The following TAF1C variants were observed in gnomAD, a reference collection of about 807,000 sequenced individuals.
TAF1C encodes the protein TATA-box binding protein associated factor, RNA polymerase I subunit C.
A neutral mutation model predicts 70.5 loss-of-function variants in TAF1C; 79 were observed. The observed-to-expected ratio is 1.12, with a 90% confidence interval of 0.93 to 1.35. The LOEUF is 1.35. TAF1C is among the 40% of genes most tolerant of loss of function. The pLI is 0.00. For synonymous variants in TAF1C, 614 were observed against 491.1 expected, an observed-to-expected ratio of 1.25 and a Z score of -3.31; for missense variants, 1,412 against 1,127.8, an observed-to-expected ratio of 1.25 and a Z score of -3.61.
chr16:84,180,381 T>A, intron 12 of TAF1C, 37 bp from the exon 13 acceptor site: 1 of 1,528,520 alleles, frequency 6.5e-7, no homozygotes, highest in Non-Finnish European at 8.7e-7. Context: ...TGGCCGAACT[T>A]GGGAGCTGAG....
Position 84,181,432 on chromosome 16 carries a change from G to A in TAF1C, c.1060C>T (p.Leu354Phe). 1 of 1,613,850 alleles carries A rather than the reference G, an allele frequency of 6.2e-7. No individual in the cohort carries two copies. The highest frequency in any genetic ancestry group is 8.5e-7 in the Non-Finnish European group (1 of 1,180,000). Residue 354 changes from leucine to phenylalanine, a missense_variant, in exon 11 of 15, where the codon CTC becomes TTC. Leu to Phe is a conservative substitution (Grantham distance 22). Coordinates refer to ENST00000566732, the MANE Select transcript of TAF1C (RefSeq NM_001243156.2). ...LRQIYRDPET[L>F]VFRDSSSWRW... ...CACGAAGAGGAGTCCCGGAACACGA[G>A]GGTCTCAGGGTCCCTGTAGATTTGC...
rs111530020 is a variant in TAF1C at position 84,181,337 on chromosome 16, C to T, written c.1155G>A (p.Leu385=). 6.2e-7 allele frequency: 1 copy of T among 1,613,558 alleles called. No individual in the cohort carries two copies. The highest frequency in any genetic ancestry group is 1.1e-5 in the South Asian group (1 of 91,070). The change falls in exon 11 of 15, where the codon CTG becomes CTA. Residue 385 remains leucine (L), a synonymous_variant. Coordinates refer to ENST00000566732, the MANE Select transcript of TAF1C (RefSeq NM_001243156.2). The stretch of plus-strand genomic sequence containing the variant: ...TGCCGCCAGCCCGTACCTGAGTGTC[C>T]AGCATCTTCACTCCGGTGCGGTCAC... ...TVGDRTGVKM[L]DTQGPPGCGL... is the part of the protein sequence containing the mutation.
rs778001599 is a variant in TAF1C, at chr16:84,179,297, G to A, written c.2176C>T (p.Arg726Cys). The change falls in exon 15 of 15, where the codon CGC (arginine) becomes TGC (cysteine). Residue 726 changes from arginine (R) to cysteine (C), a missense_variant. Physicochemically the swap from Arg to Cys is radical, Grantham distance 180 (BLOSUM62 -3). Coordinates refer to ENST00000566732, the MANE Select transcript of TAF1C (RefSeq NM_001243156.2). ...EPGRQTRRPK[R>C]RTQLSSSFSL... ...AAGCTGCTGGACAGCTGGGTCCGGC[G>A]CTTGGGCCGCCTGGTCTGTCTCCCG... 1.4e-5 allele frequency: 22 copies of A among 1,595,010 alleles called. No individual in the cohort carries two copies. Among genetic ancestry groups the A allele is most frequent in the African/African-American group, 2.7e-5 (2 of 74,804 alleles).
Position 84,184,894 on chromosome 16 carries a change from C to G in TAF1C, c.95G>C (p.Arg32Pro), listed in dbSNP as rs1470956716. 1 of 1,612,364 alleles carries G rather than the reference C, an allele frequency of 6.2e-7. No homozygotes were observed. The highest frequency in any genetic ancestry group is 8.5e-7 in the Non-Finnish European group (1 of 1,179,290). Residue 32 changes from arginine to proline, a missense_variant, in exon 2 of 15, where the codon CGA (arginine) becomes CCA (proline). By Grantham distance (103) the Arg-to-Pro change is moderately radical. Coordinates refer to ENST00000566732, the MANE Select transcript of TAF1C (RefSeq NM_001243156.2). Reference sequence around the variant, plus strand: ...GGCCTCTGGCAGAGTCAGTGCGTCTCGCCAGCTGCACATGAAAGAGAGGTC... The same window carrying G: ...GGCCTCTGGCAGAGTCAGTGCGTCTGGCCAGCTGCACATGAAAGAGAGGTC... ...VPDLSFMCSW[R>P]DALTLPEAQP...
rs2288025 is a variant in TAF1C at position 84,178,129 on chromosome 16, A to C, written c.*812T>G. On this transcript the variant is annotated 3_prime_UTR_variant, in exon 15 of 15. Coordinates refer to ENST00000566732, the MANE Select transcript of TAF1C (RefSeq NM_001243156.2). ...AGAAACTCCGAGGAAGAGGGACTTG[A>C]TGCTTTAGACATCAAAATGAGAAGG... 0.11 allele frequency: 44,979 copies of C among 410,688 alleles called. 2,880 individuals are homozygous for C. The highest frequency in any genetic ancestry group is 0.21 in the South Asian group (9,983 of 48,678). 25.4% of individuals were successfully genotyped at this position (410,688 alleles called of 1,614,324 possible).
intron 2 of TAF1C, among the ~76,000 whole-genome samples, chr16:84,184,485 C>T (rs1430055566): frequency 2.6e-5 from 4 of 152,356 alleles, no homozygotes; most frequent in African/African-American, 9.6e-5. Context: ...CCCTACTATG[C>T]TGTTTCAGCA....
At position 84,180,256 on chromosome 16, in the gene TAF1C, C is replaced by A. The variant is rs553705800; in HGVS notation, c.1397G>T (p.Arg466Leu). The A allele has an allele frequency of 1.3e-6, 2 of 1,543,630 alleles. No homozygotes were observed. The highest frequency in any genetic ancestry group is 8.7e-7 in the Non-Finnish European group (1 of 1,147,466). The change falls in exon 13 of 15, where the codon CGA becomes CTA. Residue 466 changes from arginine to leucine, a missense_variant. Arg to Leu is a moderately radical substitution (Grantham distance 102). Coordinates refer to ENST00000566732, the MANE Select transcript of TAF1C (RefSeq NM_001243156.2). ...HGLPSPLLLA[R>L]LLPPPRPSCV... ...GCTGGGCCGGGGCGGAGGCAGCAGT[C>A]GGGCCAGCAGGAGCGGGGAGGGGAG... is the stretch of plus-strand genomic sequence containing the variant.
rs1251838938 is a variant in TAF1C at position 84,178,907 on chromosome 16, T to G, written c.*34A>C. On this transcript the variant is annotated 3_prime_UTR_variant, in exon 15 of 15. Coordinates refer to ENST00000566732, the MANE Select transcript of TAF1C (RefSeq NM_001243156.2). ...TGGTCCCAGAGGAAGGATGAGGGGCTCTCTGGGGCTTGAGGGCAGCCCACC... is the reference window on the plus strand; with the variant it reads ...TGGTCCCAGAGGAAGGATGAGGGGCGCTCTGGGGCTTGAGGGCAGCCCACC... 1.3e-6 allele frequency: 2 copies of G among 1,539,104 alleles called. No individual in the cohort carries two copies. Among genetic ancestry groups the G allele is most frequent in the East Asian group, 4.5e-5 (2 of 44,430 alleles).
Position 84,182,436 on chromosome 16 carries a change from G to C in TAF1C, c.487C>G (p.Pro163Ala), listed in dbSNP as rs749716482. 5.0e-6 allele frequency: 8 copies of C among 1,599,472 alleles called. No homozygotes were observed. Among genetic ancestry groups the C allele is most frequent in the Non-Finnish European group, 6.8e-6 (8 of 1,175,982 alleles). ...DLGGHQPWGC[P>A]WAYLSNRQRR... ...TGTCGGTTGCTGAGGTAAGCCCAGG[G>C]ACACCTGGGGACCAGAGAACAGCAG... Residue 163 changes from proline (P) to alanine (A), a missense_variant, in exon 7 of 15, where the codon CCC becomes GCC. Transcript: ENST00000566732. This position sits in a 1 kb window ranked among gnomAD's most constrained non-coding sequence, Gnocchi z 5.0.
chr16:84,183,675 C>A, intron 3 of TAF1C, 22 bp downstream of exon 3: 1 of 1,603,560 alleles, frequency 6.2e-7, no homozygotes, highest in African/African-American at 1.3e-5. Context: ...GTGGAGTGAG[C>A]CCGGGGGAAT....
Position 84,177,941 on chromosome 16 carries a change from C to T in TAF1C, c.*1000G>A. ...CCACGCGAGTCAGTGTATGATTGGG[C>T]TAGCTCCTGTTTGTGTGAGTCACAT... On this transcript the variant is annotated 3_prime_UTR_variant, in exon 15 of 15. Transcript: ENST00000566732. 1.0e-6 allele frequency: 1 copy of T among 1,000,914 alleles called. No homozygotes were observed. The highest frequency in any genetic ancestry group is 1.6e-6 in the Non-Finnish European group (1 of 642,824). The allele number at this position is 1,000,914 out of a possible 1,614,324, so 62.0% of individuals were successfully genotyped here. A position where few individuals can be genotyped will look rare whatever the true frequency, so the allele number is the denominator to read the frequency against.
Position 84,178,825 on chromosome 16 carries a change from T to C in TAF1C, c.*116A>G. The C allele has an allele frequency of 8.6e-7, 1 of 1,167,102 alleles. No homozygotes were observed. Among genetic ancestry groups the C allele is most frequent in the Non-Finnish European group, 1.2e-6 (1 of 841,578 alleles). 72.3% of individuals were successfully genotyped at this position (1,167,102 alleles called of 1,614,324 possible). A position where few individuals can be genotyped will look rare whatever the true frequency, so the allele number is the denominator to read the frequency against. Reference sequence around the variant, plus strand: ...CAAATTGCTTGGCTCATCATCACAGTGGCCTCCAGAAGGTGGCGAGCTCTG... The same window carrying C: ...CAAATTGCTTGGCTCATCATCACAGCGGCCTCCAGAAGGTGGCGAGCTCTG... On this transcript the variant is annotated 3_prime_UTR_variant, in exon 15 of 15. Coordinates refer to ENST00000566732, the MANE Select transcript of TAF1C (RefSeq NM_001243156.2).
At chr16:84,181,498 A>C in intron 10 of TAF1C, 35 bp from the exon 11 acceptor site, 1 of 1,613,634 alleles carries the variant, frequency 6.2e-7, no homozygotes, top group Non-Finnish European at 8.5e-7. Context: ...GCAGGGGGAC[A>C]GGCTGATGGG....
At position 84,182,206 on chromosome 16, in the gene TAF1C, C is replaced by T; in HGVS notation, c.717G>A (p.Arg239=). The change falls in exon 7 of 15, where the codon AGG becomes AGA. Residue 239 remains arginine, a synonymous_variant. Transcript: ENST00000566732. This position sits in a 1 kb window ranked among gnomAD's most constrained non-coding sequence, Gnocchi z 5.0. ...CTGTCTCGCAAGAAAGGATACGCAG[C>T]CTGTCCTGGGCGCCTCCAGCAGGGT... The part of the protein sequence containing the change: ...LVYPAGGAQD[R]LHFQEVVLTP... 6.2e-7 allele frequency: 1 copy of T among 1,607,940 alleles called. No homozygotes were observed. The highest frequency in any genetic ancestry group is 1.1e-5 in the South Asian group (1 of 90,798).
At chr16:84,185,204 G>A (rs1467266489) in intron 1 of TAF1C, 144 bp from the exon 2 acceptor site, 1 of 488,994 alleles carries the variant, frequency 2.0e-6, no homozygotes, top group Non-Finnish European at 3.5e-6. Flanking sequence ...ATCTGGTAGT[G>A]GGCTGAGGGC....
Position 84,180,211 on chromosome 16 carries a change from A to C in TAF1C, c.1442T>G (p.Leu481Arg). The change falls in exon 13 of 15, where the codon CTC becomes CGC. Residue 481 changes from leucine (L) to arginine (R), a missense_variant. Leu to Arg is a moderately radical substitution (Grantham distance 102). Transcript: ENST00000566732. ...PRPSCVQPLLLGGQGGQLQLL... is the reference protein window; with the variant it reads ...PRPSCVQPLLRGGQGGQLQLL... ...CTGCAGCTGCCCACCCTGGCCTCCG[A>C]GGAGCAGGGGCTGCACGCAGCTGGG... 1 of 1,537,406 alleles carries C rather than the reference A, an allele frequency of 6.5e-7. No homozygotes were observed. The highest frequency in any genetic ancestry group is 8.7e-7 in the Non-Finnish European group (1 of 1,149,112).
Sources: gnomAD v4.1 joint callset for allele counts (sites outside exome capture counted in the v4.1 genomes callset) on GRCh38, gnomAD v4.1.1 for gene constraint, Gnocchi (gnomAD v3.1) non-coding constraint, MANE v1.5 for transcripts, NCBI Gene and HGNC (gene_info 2026-07-23, HGNC 2026-07-21) for gene names.